Variants in UBE2F observed in about 807,000 individuals in gnomAD.
UBE2F encodes ubiquitin conjugating enzyme E2 F (putative), also known as NEDD8-conjugating enzyme UBE2F.
A neutral mutation model predicts 29.6 loss-of-function variants in UBE2F; 5 were observed. The ratio of observed to expected loss-of-function variants is 0.17; its 90% CI spans 0.09 to 0.36. The LOEUF (loss-of-function observed/expected upper bound fraction) is 0.36. Among genes scored for constraint, UBE2F ranks in the 10% least tolerant of loss-of-function variants. The pLI, the probability that UBE2F is intolerant of heterozygous loss-of-function variation, is 1.00. For missense variants in UBE2F, 141 were observed against 228.5 expected (o/e 0.62, Z 2.47); for synonymous variants, 66 against 81.8 (o/e 0.81, Z 1.04).
chr2:238,009,697 C>A (rs1262204576), intron 4 of UBE2F, among the ~76,000 whole-genome samples: 1 of 152,186 alleles, frequency 6.6e-6, no homozygotes, highest in Admixed American at 6.5e-5. Flanking sequence ...CATGTCTGTG[C>A]TGCCTCCTGC....
rs1427598146 is a variant in UBE2F at position 237,967,057 on chromosome 2, C to G, written c.-92C>G. ...GGGAGCCGGTGCGGCTGTGAGGGGC[C>G]GCGTCTCGCAGCAGCCGCCCGGACC... On this transcript the variant is annotated 5_prime_UTR_variant, in exon 1 of 10. Transcript: ENST00000272930. The surrounding 1 kb of genome is among the most constrained non-coding windows in gnomAD (Gnocchi z 6.3). 5 of 1,316,684 alleles carry G rather than the reference C, an allele frequency of 3.8e-6. No individual in the cohort carries two copies. Among genetic ancestry groups the G allele is most frequent in the South Asian group, 2.0e-5 (1 of 51,122 alleles). 81.6% of individuals were successfully genotyped at this position (1,316,684 alleles called of 1,614,324 possible).
At chr2:237,986,009 GT>G (rs1167895859) in intron 2 of UBE2F, among the ~76,000 whole-genome samples, 2 of 151,142 alleles carry the variant, frequency 1.3e-5, no homozygotes, top group Non-Finnish European at 1.5e-5. Context: ...GTCTATTCAT[GT>G]TTTTTGCCCA....
rs981410381 is a variant in UBE2F, at chr2:238,040,941, A to T, written c.508-347A>T. Among the ~76,000 whole-genome samples, 1 of 152,126 alleles carries T rather than the reference A, an allele frequency of 6.6e-6. No homozygotes were observed. Reference sequence around the variant, plus strand: ...AGAGCAGCAGCTGTGGCTCACATCCATTGTGGCCAAAGGAGTCTTGGCTTT... The same window carrying T: ...AGAGCAGCAGCTGTGGCTCACATCCTTTGTGGCCAAAGGAGTCTTGGCTTT... On this transcript the variant is annotated intron_variant, in intron 9 of 9. Coordinates refer to ENST00000272930, the MANE Select transcript of UBE2F (RefSeq NM_080678.3). This position sits in a 1 kb window ranked among gnomAD's most constrained non-coding sequence, Gnocchi z 4.4.
At position 237,987,960 on chromosome 2, in the gene UBE2F, C is replaced by T; in HGVS notation, c.119-3C>T. On this transcript the variant is annotated splice_polypyrimidine_tract_variant and splice_region_variant and intron_variant, in intron 2 of 9. Transcript: ENST00000272930. ...ATTAATAATAATTTCTTTGTTTCTA[C>T]AGAGGTTGCAGAACTTGAAGCTAAT... The T allele has an allele frequency of 6.8e-7, 1 of 1,478,674 alleles. No individual in the cohort carries two copies. The highest frequency in any genetic ancestry group is 2.4e-5 in the East Asian group (1 of 41,000). The allele number at this position is 1,478,674 out of a possible 1,614,324, so 91.6% of individuals were successfully genotyped here.
At chr2:237,983,696 C>T (rs1366081850) in intron 2 of UBE2F, among the ~76,000 whole-genome samples, 2 of 152,078 alleles carry the variant, frequency 1.3e-5, no homozygotes, top group Non-Finnish European at 2.9e-5. Context: ...CTCACATTTG[C>T]GTCTTCACTT....
At chr2:238,038,801 T>G (rs905360811) in intron 9 of UBE2F, among the ~76,000 whole-genome samples, 1 of 152,244 alleles carries the variant, frequency 6.6e-6, no homozygotes, top group African/African-American at 2.4e-5. Flanking sequence ...CACCGCATCC[T>G]TATGTCCACT....
chr2:238,038,011 G>A (rs1340109802), intron 9 of UBE2F, among the ~76,000 whole-genome samples: 2 of 152,208 alleles, frequency 1.3e-5, no homozygotes, highest in African/African-American at 4.8e-5. Context: ...CGACCAAGTA[G>A]GGCATTTGAA....
At chr2:238,025,454 C>T in intron 6 of UBE2F, 42 bp downstream of exon 6, 1 of 1,539,210 alleles carries the variant, frequency 6.5e-7, no homozygotes, top group Non-Finnish European at 8.9e-7. Context: ...TCGTGAGTGT[C>T]ATGTGCAAGC....
intron 9 of UBE2F, among the ~76,000 whole-genome samples, chr2:238,041,010 G>A (rs961785220): frequency 3.3e-5 from 5 of 152,102 alleles, no homozygotes; most frequent in African/African-American, 1.2e-4. Context: ...TCCCCATCTG[G>A]AAAATGAGAA....
chr2:238,001,022 T>C (rs1382412385), intron 4 of UBE2F, among the ~76,000 whole-genome samples: 2 of 143,882 alleles, frequency 1.4e-5, no homozygotes, highest in South Asian at 2.1e-4. Context: ...TTTTTTGAGA[T>C]AGAGTTTTGC....
At chr2:238,011,952 C>T (rs1485256040) in intron 4 of UBE2F, among the ~76,000 whole-genome samples, 2 of 152,030 alleles carry the variant, frequency 1.3e-5, no homozygotes, top group South Asian at 2.1e-4. Flanking sequence ...AGTCATGGCT[C>T]ACTGCAGCCT....
At chr2:238,035,124 T>C (rs1426719927) in intron 8 of UBE2F, 2 of 152,316 alleles carry the variant, frequency 1.3e-5, no homozygotes. Context: ...ACTTGTGACC[T>C]CTGGTGATCC....
rs903778291 is a variant in UBE2F, at chr2:238,040,473, G to T, written c.508-815G>T. The stretch of plus-strand genomic sequence containing the variant: ...CTGTGTTCCCTGGGCAGTGGGGGCT[G>T]CATGGCATTGATGGGACCGAAGCAG... On this transcript the variant is annotated intron_variant, in intron 9 of 9. Coordinates refer to ENST00000272930, the MANE Select transcript of UBE2F (RefSeq NM_080678.3). The surrounding 1 kb of genome is among the most constrained non-coding windows in gnomAD (Gnocchi z 4.4). Among the ~76,000 whole-genome samples, 2 of 152,212 alleles carry T rather than the reference G, an allele frequency of 1.3e-5. No homozygotes were observed. Among genetic ancestry groups the T allele is most frequent in the South Asian group, 2.1e-4 (1 of 4,834 alleles).
At chr2:238,039,769 C>T (rs1328672868) in intron 9 of UBE2F, among the ~76,000 whole-genome samples, 2 of 152,180 alleles carry the variant, frequency 1.3e-5, no homozygotes, top group African/African-American at 2.4e-5. Flanking sequence ...CAGGCATGGA[C>T]GCCGGGCTCT....
intron 4 of UBE2F, among the ~76,000 whole-genome samples, chr2:238,015,511 A>G (rs1420007856): frequency 2.0e-5 from 3 of 152,162 alleles, no homozygotes; most frequent in African/African-American, 7.2e-5. Context: ...AAAGAAAAAA[A>G]ATGTTAGGGT....
intron 5 of UBE2F, among the ~76,000 whole-genome samples, chr2:238,019,868 C>T (rs2064252245): frequency 1.3e-5 from 2 of 151,880 alleles, no homozygotes; most frequent in South Asian, 2.1e-4. Flanking sequence ...CCATGTTGGC[C>T]GGGTTGGTCT....
chr2:238,038,973 G>A (rs900728882), intron 9 of UBE2F, among the ~76,000 whole-genome samples: 2 of 152,238 alleles, frequency 1.3e-5, no homozygotes, highest in African/African-American at 4.8e-5. Flanking sequence ...CGTGGCTCAC[G>A]CCTGTAATCC....
intron 4 of UBE2F, among the ~76,000 whole-genome samples, chr2:237,996,236 T>C (rs2063689836): frequency 6.6e-6 from 1 of 152,186 alleles, no homozygotes; most frequent in South Asian, 2.1e-4. Context: ...GTGATTAAGA[T>C]TGGTTCTCTG....
At chr2:238,007,086 C>T (rs188785078) in intron 4 of UBE2F, among the ~76,000 whole-genome samples, 1 of 149,954 alleles carries the variant, frequency 6.7e-6, no homozygotes, top group East Asian at 2.0e-4. Flanking sequence ...GGGTTGCTGT[C>T]AGTCTTTCAT....
Sources: allele counts gnomAD v4.1 joint callset (sites outside exome capture counted in the v4.1 genomes callset), GRCh38; gene constraint gnomAD v4.1.1; non-coding constraint Gnocchi (gnomAD v3.1); transcripts MANE v1.5; gene names NCBI Gene and HGNC (gene_info 2026-07-23, HGNC 2026-07-21).